The following SH3GL2 variants were observed in gnomAD, a reference collection of about 807,000 sequenced individuals.
SH3GL2 encodes SH3 domain containing GRB2 like 2, endophilin A1, also known as endophilin-A1.
SH3GL2 carries 24 observed loss-of-function variants against 46.0 expected under a neutral mutation model. That is an observed-to-expected ratio of 0.52 (90% CI 0.38 to 0.73). The LOEUF (loss-of-function observed/expected upper bound fraction) is 0.73, where lower values mean the gene tolerates loss of function less well. Ranked by LOEUF, SH3GL2 falls within the 30% of genes least tolerant of loss-of-function variation. The pLI is 0.00. For missense variants in SH3GL2, 413 were observed against 424.2 expected, an observed-to-expected ratio of 0.97 and a Z score of 0.23; for synonymous variants, 196 against 147.1, an observed-to-expected ratio of 1.33 and a Z score of -2.40.
intron 1 of SH3GL2, among the ~76,000 whole-genome samples, chr9:17,716,873 G>T (rs191828484): frequency 1.3e-5 from 2 of 152,028 alleles, no homozygotes; most frequent in African/African-American, 4.8e-5. Context: ...CTCAGTCAGG[G>T]ATCTCTGTCT....
intron 1 of SH3GL2, among the ~76,000 whole-genome samples, chr9:17,655,317 T>G (rs185106565): frequency 6.6e-6 from 1 of 152,236 alleles, no homozygotes; most frequent in Non-Finnish European, 1.5e-5. Flanking sequence ...CTGTGTTTTG[T>G]CCCTCCCTCT....
At chr9:17,642,489 T>G (rs1819708945) in intron 1 of SH3GL2, among the ~76,000 whole-genome samples, 1 of 152,246 alleles carries the variant, frequency 6.6e-6, no homozygotes, top group South Asian at 2.1e-4. Context: ...GTTTTAGGTC[T>G]GACGTTTAAA....
At chr9:17,589,636 A>C (rs965856156) in intron 1 of SH3GL2, 2 of 152,264 alleles carry the variant, frequency 1.3e-5, no homozygotes, top group East Asian at 3.8e-4. Context: ...GTTGACTGTT[A>C]ATCCTGCATC....
At chr9:17,684,212 C>T (rs1043072203) in intron 1 of SH3GL2, among the ~76,000 whole-genome samples, 5 of 151,970 alleles carry the variant, frequency 3.3e-5, no homozygotes, top group African/African-American at 4.8e-5. Context: ...TATGCATGTA[C>T]AGATGGGGAA....
intron 1 of SH3GL2, among the ~76,000 whole-genome samples, chr9:17,612,632 G>T (rs1364982640): frequency 6.6e-6 from 1 of 152,160 alleles, no homozygotes; most frequent in African/African-American, 2.4e-5. Context: ...GTGGGAGTGT[G>T]TTCTCATTTT....
intron 1 of SH3GL2, among the ~76,000 whole-genome samples, chr9:17,737,341 T>G (rs1278803459): frequency 6.6e-6 from 1 of 152,074 alleles, no homozygotes; most frequent in African/African-American, 2.4e-5. Context: ...TCCCAGAACT[T>G]AAAATATAAT....
chr9:17,704,830 C>T (rs1326836593), intron 1 of SH3GL2, among the ~76,000 whole-genome samples: 1 of 151,962 alleles, frequency 6.6e-6, no homozygotes, highest in Non-Finnish European at 1.5e-5. Context: ...CTGTAAAAAT[C>T]CTGGAAGGAT....
intron 1 of SH3GL2, among the ~76,000 whole-genome samples, chr9:17,665,842 C>A (rs2117921499): frequency 6.7e-6 from 1 of 149,790 alleles, no homozygotes; most frequent in African/African-American, 2.5e-5. Flanking sequence ...GGAAAATACA[C>A]ACAAATAAAT....
intron 3 of SH3GL2, among the ~76,000 whole-genome samples, chr9:17,779,188 G>T (rs1823729740): frequency 6.6e-6 from 1 of 152,132 alleles, no homozygotes; most frequent in Non-Finnish European, 1.5e-5. Flanking sequence ...TAACCCACTG[G>T]ATAGTCCAAA....
chr9:17,624,112 T>C (rs1588182339), intron 1 of SH3GL2, among the ~76,000 whole-genome samples: 1 of 152,184 alleles, frequency 6.6e-6, no homozygotes, highest in Admixed American at 6.5e-5. Context: ...GCAGTGGCTG[T>C]CAGTTTGAGG....
intron 7 of SH3GL2, among the ~76,000 whole-genome samples, chr9:17,791,761 C>T (rs1824135961): frequency 6.6e-6 from 1 of 152,182 alleles, no homozygotes; most frequent in Non-Finnish European, 1.5e-5. Context: ...CAGGGTCACT[C>T]AGTGGTGCAA....
intron 1 of SH3GL2, among the ~76,000 whole-genome samples, chr9:17,671,460 T>A (rs1038869332): frequency 1.3e-5 from 2 of 152,134 alleles, no homozygotes; most frequent in African/African-American, 2.4e-5. Flanking sequence ...AACTTAATTG[T>A]ACATTGAAAA....
intron 2 of SH3GL2, chr9:17,755,715 A>G (rs1563840957): frequency 5.5e-6 from 5 of 901,052 alleles, no homozygotes; most frequent in Non-Finnish European, 6.6e-6. Flanking sequence ...ATAATGTGGT[A>G]TCTAATAGTA....
At chr9:17,608,375 T>C (rs1168601061) in intron 1 of SH3GL2, among the ~76,000 whole-genome samples, 2 of 152,156 alleles carry the variant, frequency 1.3e-5, no homozygotes, top group Non-Finnish European at 2.9e-5. Flanking sequence ...CTCGATCTCC[T>C]GACCTCGTGA....
At chr9:17,789,692 A>C in intron 6 of SH3GL2, 142 bp downstream of exon 6, 1 of 1,414,836 alleles carries the variant, frequency 7.1e-7, no homozygotes, top group South Asian at 1.5e-5. Context: ...TATTTTAAAT[A>C]ATTGTCAGTC....
chr9:17,715,291 T>G (rs765462198), intron 1 of SH3GL2, among the ~76,000 whole-genome samples: 1 of 151,562 alleles, frequency 6.6e-6, no homozygotes, highest in Non-Finnish European at 1.5e-5. Context: ...TTTCCTTTGA[T>G]GTAATTTGCC....
intron 1 of SH3GL2, among the ~76,000 whole-genome samples, chr9:17,641,181 A>G (rs1483902370): frequency 2.6e-5 from 4 of 152,162 alleles, no homozygotes; most frequent in Admixed American, 2.0e-4. Context: ...GTTGAATATT[A>G]TAGTTTAGGC....
chr9:17,610,772 C>G (rs1818847457), intron 1 of SH3GL2, among the ~76,000 whole-genome samples: 1 of 152,022 alleles, frequency 6.6e-6, no homozygotes, highest in African/African-American at 2.4e-5. Flanking sequence ...TATAAACTAG[C>G]TTGCTGACCC....
chr9:17,695,806 A>C (rs950156413), intron 1 of SH3GL2, among the ~76,000 whole-genome samples: 15 of 149,062 alleles, frequency 1.0e-4, no homozygotes, highest in Non-Finnish European at 2.1e-4. Context: ...ATTGTGAAAA[A>C]AATCTTGATG....
Sources: gnomAD v4.1 joint callset for allele counts (sites outside exome capture counted in the v4.1 genomes callset) on GRCh38, gnomAD v4.1.1 for gene constraint, MANE v1.5 for transcripts, NCBI Gene and HGNC (gene_info 2026-07-23, HGNC 2026-07-21) for gene names.